Variants in NPIPB15 observed in about 807,000 individuals in gnomAD.
NPIPB15 encodes the protein nuclear pore complex-interacting protein family member B15.
A neutral mutation model predicts 35.9 loss-of-function variants in NPIPB15; 5 were observed. That is an observed-to-expected ratio of 0.14 (90% CI 0.07 to 0.29). NPIPB15 has a LOEUF of 0.29. Ranked by LOEUF, NPIPB15 falls within the 10% of genes least tolerant of loss-of-function variation. NPIPB15 has a pLI of 1.00. For synonymous variants in NPIPB15, 43 were observed against 182.0 expected, an observed-to-expected ratio of 0.24 and a Z score of 6.15; for missense variants, 100 against 506.1, an observed-to-expected ratio of 0.20 and a Z score of 7.70.
At chr16:74,381,479 A>G (rs150688098) in intron 2 of NPIPB15, 37 bp from the exon 3 acceptor site, 18,471 of 1,517,002 alleles carry the variant, frequency 0.012, 27 homozygotes, top group African/African-American at 0.044. Context: ...TGTCGGTGTC[A>G]TTGACCTTTT....
rs1041701533 is a variant in NPIPB15, at chr16:74,377,298, G to C, written c.-71G>C. 1.3e-5 allele frequency among the ~76,000 whole-genome samples: 2 copies of C among 151,894 alleles called. No homozygotes were observed. The highest frequency in any genetic ancestry group is 4.8e-5 in the African/African-American group (2 of 41,304). On this transcript the variant is annotated 5_prime_UTR_variant, in exon 1 of 8. Transcript: ENST00000692376. ...ACCCTGGGAGCTCAGGAAGGAAGGA[G>C]AGCCCAGAAGCAGGGACAGGGAGCT...
intron 5 of NPIPB15, among the ~76,000 whole-genome samples, chr16:74,389,404 A>G (rs1261246639): frequency 3.3e-5 from 5 of 150,260 alleles, no homozygotes; most frequent in Admixed American, 1.4e-4. Flanking sequence ...ATGGAGTCTC[A>G]CTGTGTCACC....
chr16:74,378,945 C>T (rs2011832743), intron 2 of NPIPB15, among the ~76,000 whole-genome samples: 1 of 151,994 alleles, frequency 6.6e-6, no homozygotes, highest in South Asian at 2.1e-4. Context: ...GGATTACAGA[C>T]ATGTGCCACC....
At chr16:74,380,797 C>A (rs1260913667) in intron 2 of NPIPB15, among the ~76,000 whole-genome samples, 9 of 150,190 alleles carry the variant, frequency 6.0e-5, no homozygotes, top group African/African-American at 2.2e-4. Context: ...GCACTCCAGC[C>A]TGGGTGACAG....
intron 3 of NPIPB15, among the ~76,000 whole-genome samples, chr16:74,384,668 ATTTTTTTTTTTTTTTTTT>A (rs1186582416): frequency 1.6e-5 from 1 of 61,552 alleles, no homozygotes; most frequent in South Asian, 6.9e-4. Context: ...CACCTGGCCT[ATTTTTTTTTTTTTTTTTT>A]TTTTTTTTTT....
At chr16:74,385,118 G>A (rs2012202649) in intron 3 of NPIPB15, among the ~76,000 whole-genome samples, 1 of 148,104 alleles carries the variant, frequency 6.8e-6, no homozygotes, top group East Asian at 2.1e-4. Flanking sequence ...AGCTTCAAAC[G>A]GTTCTCTGCC....
intron 7 of NPIPB15, 106 bp downstream of exon 7, chr16:74,390,136 G>A: frequency 1.3e-6 from 2 of 1,585,940 alleles, no homozygotes; most frequent in South Asian, 2.2e-5. Context: ...GAGGGAGATG[G>A]CAGAGAGGAA....
intron 2 of NPIPB15, among the ~76,000 whole-genome samples, chr16:74,379,780 G>A (rs1161562894): frequency 1.3e-5 from 2 of 151,556 alleles, no homozygotes; most frequent in Non-Finnish European, 3.0e-5. Context: ...TAGTAGAGAT[G>A]GGTTTCACCG....
At chr16:74,388,022 A>G (rs1211222307) in intron 5 of NPIPB15, among the ~76,000 whole-genome samples, 1 of 151,892 alleles carries the variant, frequency 6.6e-6, no homozygotes, top group Non-Finnish European at 1.5e-5. Context: ...GTTGTCACCT[A>G]TTTTCAGGAC....
intron 5 of NPIPB15, among the ~76,000 whole-genome samples, chr16:74,388,977 C>A (rs1199591187): frequency 6.7e-6 from 1 of 149,538 alleles, no homozygotes; most frequent in Non-Finnish European, 1.5e-5. Flanking sequence ...AAACAAAGTA[C>A]CTGAATATTT....
In NPIPB15 at chr16:74,377,336, C is replaced by T. The variant is rs2011711461; in HGVS notation, c.-33C>T. Among the ~76,000 whole-genome samples, 1 of 151,930 alleles carries T rather than the reference C, an allele frequency of 6.6e-6. No homozygotes were observed. Among genetic ancestry groups the T allele is most frequent in the South Asian group, 2.1e-4 (1 of 4,824 alleles). ...GGGACAGGGAGCTGGTTGGGGAGGA[C>T]CAGAAATCAGGTTTGTGAAGGTTCC... On this transcript the variant is annotated 5_prime_UTR_variant, in exon 1 of 8. Transcript: ENST00000692376.
intron 3 of NPIPB15, 100 bp downstream of exon 3, chr16:74,381,798 G>T: frequency 8.2e-7 from 1 of 1,219,526 alleles, no homozygotes; most frequent in Non-Finnish European, 1.1e-6. Flanking sequence ...TGAATATGTG[G>T]TTTTACCCAA....
rs2093593220 is a variant in NPIPB15, at chr16:74,376,353, C to T, written c.-1016C>T. 6.6e-6 allele frequency among the ~76,000 whole-genome samples: 1 copy of T among 151,652 alleles called. No individual in the cohort carries two copies. The highest frequency in any genetic ancestry group is 2.4e-5 in the African/African-American group (1 of 41,238). On this transcript the variant is annotated 5_prime_UTR_variant, in exon 1 of 8. Coordinates refer to ENST00000692376, the MANE Select transcript of NPIPB15 (RefSeq NM_001306094.2). Reference sequence around the variant, plus strand: ...CACTCTGTGTGATCGGGCAGAAGGCCTGTGGGAAGTTCAGCTGAGGACAGG... The same window carrying T: ...CACTCTGTGTGATCGGGCAGAAGGCTTGTGGGAAGTTCAGCTGAGGACAGG...
chr16:74,385,929 TC>T (rs754191476), intron 5 of NPIPB15, among the ~76,000 whole-genome samples, 180 bp downstream of exon 5: 91 of 119,762 alleles, frequency 7.6e-4, no homozygotes, highest in East Asian at 4.0e-3. Context: ...CTTCCTACAT[TC>T]TTGTTTGTAA....
chr16:74,382,551 GGCT>G (rs1314767368), intron 3 of NPIPB15, among the ~76,000 whole-genome samples: 21 of 152,234 alleles, frequency 1.4e-4, no homozygotes, highest in African/African-American at 4.3e-4. Context: ...GTAAGAATTT[GGCT>G]GCTAAGTTGT....
chr16:74,384,991 TTG>T (rs199888896), intron 3 of NPIPB15, among the ~76,000 whole-genome samples: 6,933 of 93,214 alleles, frequency 0.074, 211 homozygotes, highest in Middle Eastern at 0.094. Context: ...CATGTCATTC[TTG>T]TGTGTGTGTG....
chr16:74,378,953 A>C (rs1183279653), intron 2 of NPIPB15, among the ~76,000 whole-genome samples: 62 of 151,876 alleles, frequency 4.1e-4, no homozygotes, highest in Non-Finnish European at 8.8e-5. Flanking sequence ...GACATGTGCC[A>C]CCACTCCCAG....
In NPIPB15 at chr16:74,386,472, T is replaced by G. The variant is rs1295013284; in HGVS notation, c.545+723T>G. On this transcript the variant is annotated intron_variant, in intron 5 of 7. Coordinates refer to ENST00000692376, the MANE Select transcript of NPIPB15 (RefSeq NM_001306094.2). ...CATTCGGCCAATTTTTTTTTTTTTT[T>G]TTTTGAGACAGAGTCTCACTCTGTC... 4.7e-5 allele frequency among the ~76,000 whole-genome samples: 6 copies of G among 128,164 alleles called. No homozygotes were observed. The South Asian group carries it at 1.3e-3, about 28-fold the overall frequency. The allele number at this position is 128,164 out of a possible 152,430, so 84.1% of individuals were successfully genotyped here.
chr16:74,381,091 C>T (rs575932063), intron 2 of NPIPB15, among the ~76,000 whole-genome samples: 10 of 135,980 alleles, frequency 7.4e-5, no homozygotes, highest in South Asian at 6.8e-4. Flanking sequence ...TGCAGTGAGC[C>T]GAGATTGCAC....
Sources: allele counts gnomAD v4.1 joint callset (sites outside exome capture counted in the v4.1 genomes callset), GRCh38; gene constraint gnomAD v4.1.1; transcripts MANE v1.5; gene names NCBI Gene and HGNC (gene_info 2026-07-23, HGNC 2026-07-21).